HPSE2: variants seen among roughly 807,000 people sequenced by gnomAD.
The protein encoded by HPSE2 is heparanase 2 (inactive), also known as inactive heparanase-2.
A neutral mutation model predicts 60.5 loss-of-function variants in HPSE2; 38 were observed. That is an observed-to-expected ratio of 0.63 (90% CI 0.48 to 0.82). The LOEUF (loss-of-function observed/expected upper bound fraction) is 0.82. Among genes scored for constraint, HPSE2 ranks in the 40% least tolerant of loss-of-function variants. The pLI, the probability that HPSE2 is intolerant of heterozygous loss-of-function variation, is 0.00. For synonymous variants in HPSE2, 295 were observed against 293.2 expected (o/e 1.01, Z -0.06); for missense variants, 713 against 740.4 (o/e 0.96, Z 0.43).
intron 3 of HPSE2, among the ~76,000 whole-genome samples, chr10:98,821,349 T>C (rs7071956): frequency 0.014 from 2,067 of 152,312 alleles, 40 homozygotes; most frequent in African/African-American, 0.046. Context: ...CTGTATAGCA[T>C]ATTACTGTAC....
intron 7 of HPSE2, among the ~76,000 whole-genome samples, chr10:98,629,634 C>G (rs897766698): frequency 6.6e-6 from 1 of 152,180 alleles, no homozygotes. Context: ...TGCCTCTAAT[C>G]TTTTCCTCTT....
At chr10:99,084,378 T>C (rs1843249976) in intron 3 of HPSE2, among the ~76,000 whole-genome samples, 1 of 152,196 alleles carries the variant, frequency 6.6e-6, no homozygotes, top group Non-Finnish European at 1.5e-5. Context: ...AAGTGGACTT[T>C]CTTTTTTATG....
At chr10:99,155,034 A>C (rs1405986368) in intron 2 of HPSE2, among the ~76,000 whole-genome samples, 1 of 150,124 alleles carries the variant, frequency 6.7e-6, no homozygotes, top group African/African-American at 2.4e-5. Flanking sequence ...AAAGGGATCA[A>C]TTCAACAAGA....
intron 3 of HPSE2, among the ~76,000 whole-genome samples, chr10:98,824,028 A>T (rs1402993831): frequency 2.0e-5 from 3 of 152,220 alleles, no homozygotes; most frequent in Non-Finnish European, 4.4e-5. Flanking sequence ...TTAAATGAAG[A>T]AGATTAAAAG....
At chr10:99,288,693 A>C in the HPSE2 span, among the ~76,000 whole-genome samples, 3 of 150,978 alleles carry the variant, frequency 2.0e-5, no homozygotes, top group African/African-American at 4.9e-5. Flanking sequence ...CCTAGAGAAC[A>C]ATCAATCCAG....
chr10:99,100,706 T>G (rs947445324), intron 3 of HPSE2, among the ~76,000 whole-genome samples: 1 of 152,004 alleles, frequency 6.6e-6, no homozygotes, highest in Non-Finnish European at 1.5e-5. Flanking sequence ...TCACCAAAGT[T>G]GAAATGAAGG....
In HPSE2 at chr10:99,015,293, T is replaced by C. The variant is rs1452035445; in HGVS notation, c.610+128945A>G. ...CAGGGATCTAGAACTAGAAATACCA[T>C]TTGACCCAGCCATCCCATTACTGGG... On this transcript the variant is annotated intron_variant, in intron 3 of 11. Coordinates refer to ENST00000370552, the MANE Select transcript of HPSE2 (RefSeq NM_021828.5). Among the ~76,000 whole-genome samples the C allele has an allele frequency of 5.0e-3, 732 of 147,798 alleles. 5 individuals are homozygous for C. Among genetic ancestry groups the C allele is most frequent in the Non-Finnish European group, 8.6e-3 (570 of 65,966 alleles).
chr10:98,869,747 T>A (rs1265069999), intron 3 of HPSE2, among the ~76,000 whole-genome samples: 4 of 152,092 alleles, frequency 2.6e-5, no homozygotes, highest in Non-Finnish European at 5.9e-5. Flanking sequence ...AGAATTTTGA[T>A]CCTGACTTGG....
At chr10:99,300,623 C>T in the HPSE2 span, among the ~76,000 whole-genome samples, 3 of 152,180 alleles carry the variant, frequency 2.0e-5, no homozygotes, top group Non-Finnish European at 4.4e-5. Context: ...GGCCACAGTT[C>T]AGTTTGGGAT....
chr10:99,067,106 C>A (rs1395790546), intron 3 of HPSE2, among the ~76,000 whole-genome samples: 1 of 152,210 alleles, frequency 6.6e-6, no homozygotes, highest in Non-Finnish European at 1.5e-5. Context: ...TCTCCTTTGA[C>A]TCCATGTCTC....
intron 9 of HPSE2, among the ~76,000 whole-genome samples, chr10:98,543,148 G>T (rs1943533210): frequency 6.6e-6 from 1 of 152,130 alleles, no homozygotes; most frequent in African/African-American, 2.4e-5. Context: ...AACTCTACAA[G>T]CCAGAAGAGA....
intron 9 of HPSE2, among the ~76,000 whole-genome samples, chr10:98,563,509 A>G (rs930940303): frequency 6.6e-6 from 1 of 152,222 alleles, no homozygotes; most frequent in Non-Finnish European, 1.5e-5. Flanking sequence ...TTCTGTAACT[A>G]TGCTAAACAC....
chr10:98,852,517 T>A (rs1343871585), intron 3 of HPSE2, among the ~76,000 whole-genome samples: 1 of 152,122 alleles, frequency 6.6e-6, no homozygotes, highest in Non-Finnish European at 1.5e-5. Flanking sequence ...AGACTCCCAA[T>A]TCAAAATGAA....
intron 2 of HPSE2, among the ~76,000 whole-genome samples, chr10:99,201,981 C>T (rs1848590766): frequency 6.6e-6 from 1 of 152,128 alleles, no homozygotes; most frequent in African/African-American, 2.4e-5. Context: ...CATACTCTAA[C>T]CACAGCCATC....
chr10:98,908,321 A>C (rs1048147202), intron 3 of HPSE2, among the ~76,000 whole-genome samples: 2 of 152,228 alleles, frequency 1.3e-5, no homozygotes, highest in African/African-American at 4.8e-5. Flanking sequence ...AAGAGCTTCA[A>C]AAATAGTTAG....
intron 9 of HPSE2, among the ~76,000 whole-genome samples, chr10:98,603,944 C>A (rs903967911): frequency 1.3e-5 from 2 of 152,176 alleles, no homozygotes; most frequent in African/African-American, 2.4e-5. Flanking sequence ...CTGAAAAACA[C>A]TTGTGAAGTT....
At chr10:98,881,409 C>A (rs896059348) in intron 3 of HPSE2, among the ~76,000 whole-genome samples, 1 of 151,908 alleles carries the variant, frequency 6.6e-6, no homozygotes, top group Non-Finnish European at 1.5e-5. Context: ...AAGTCAGGAT[C>A]CAAAACTATC....
At chr10:98,891,488 AC>A (rs1282203330) in intron 3 of HPSE2, among the ~76,000 whole-genome samples, 3 of 152,050 alleles carry the variant, frequency 2.0e-5, no homozygotes, top group Non-Finnish European at 4.4e-5. Flanking sequence ...TCTCTGTGTG[AC>A]CCAGGCTGGA....
At chr10:98,829,500 G>A (rs1889940) in intron 3 of HPSE2, among the ~76,000 whole-genome samples, 113,945 of 151,566 alleles carry the variant, frequency 0.75, 43,416 homozygotes, top group Non-Finnish European at 0.83. Context: ...CAGCCTGGGC[G>A]ACACAGTGAG....
Sources: allele counts gnomAD v4.1 joint callset (sites outside exome capture counted in the v4.1 genomes callset), GRCh38; gene constraint gnomAD v4.1.1; transcripts MANE v1.5; gene names NCBI Gene and HGNC (gene_info 2026-07-23, HGNC 2026-07-21).